Variants in CFLAR observed in about 807,000 individuals in gnomAD.
The protein encoded by CFLAR is CASP8 and FADD like apoptosis regulator, also known as CASP8 and FADD-like apoptosis regulator.
A neutral mutation model predicts 51.1 loss-of-function variants in CFLAR; 14 were observed. That is an observed-to-expected ratio of 0.27 (90% CI 0.18 to 0.43). The LOEUF (loss-of-function observed/expected upper bound fraction) is 0.43, where lower values mean the gene tolerates loss of function less well. Ranked by LOEUF, CFLAR falls within the 20% of genes least tolerant of loss-of-function variation. The probability of loss-of-function intolerance (pLI) is 1.00; values close to 1 mark genes in which losing one functional copy is unlikely to be tolerated. For missense variants in CFLAR, 390 were observed against 566.5 expected (o/e 0.69, Z 3.16); for synonymous variants, 210 against 211.6 (o/e 0.99, Z 0.06).
intron 4 of CFLAR, 161 bp from the exon 5 acceptor site, chr2:201,140,196 T>C: frequency 1.3e-6 from 1 of 772,840 alleles, no homozygotes; most frequent in Non-Finnish European, 2.0e-6. Flanking sequence ...CTTCATGATG[T>C]TTGGTCGAAG....
At chr2:201,130,187 G>GTGGGGGGGGGGGGGGGGGGGCA in intron 2 of CFLAR, 41 bp downstream of exon 2, 1 of 292,394 alleles carries the variant, frequency 3.4e-6, no homozygotes, top group Non-Finnish European at 7.1e-6. Context: ...GGGTGGGAGG[G>GTGGGGGGGGGGGGGGGGGGGCA]AGTGAAGTGT....
At position 201,145,378 on chromosome 2, in the gene CFLAR, C is replaced by A. The variant is rs13424615; in HGVS notation, c.607C>A (p.Leu203Ile). 6,254 of 1,597,212 alleles carry A rather than the reference C, an allele frequency of 3.9e-3. 223 individuals are homozygous for A. The African/African-American group carries it at 0.072, about 18-fold the overall frequency. ...SLKDPSNNFR[L>I]HNGRSKEQRL... ...ATGACCTTATTCTTTGTATTTGAAG[C>A]TCCATAATGGGAGAAGTAAAGAACA... The change falls in exon 6 of 10, where the codon CTC becomes ATC. Residue 203 changes from leucine (L) to isoleucine (I), a missense_variant and splice_region_variant. This residue lies in a region of CFLAR where 287 missense variants were observed against 363.6 expected (regional missense o/e 0.79). Transcript: ENST00000309955.
chr2:201,126,797 C>G (rs2048758245), intron 1 of CFLAR, among the ~76,000 whole-genome samples: 1 of 152,148 alleles, frequency 6.6e-6, no homozygotes, highest in Non-Finnish European at 1.5e-5. Flanking sequence ...CAAAAAATGC[C>G]TGGAATATTT....
At chr2:201,161,003 G>A in intron 9 of CFLAR, 61 bp downstream of exon 9, 1 of 1,206,870 alleles carries the variant, frequency 8.3e-7, no homozygotes, top group Non-Finnish European at 1.2e-6. Context: ...CACCAGGATG[G>A]GAATTACCAC....
At chr2:201,130,187 G>GGGGGGGGGGGGGGGA in intron 2 of CFLAR, 41 bp downstream of exon 2, 11 of 292,376 alleles carry the variant, frequency 3.8e-5, no homozygotes, top group East Asian at 2.8e-4. Context: ...GGGTGGGAGG[G>GGGGGGGGGGGGGGGA]AGTGAAGTGT....
chr2:201,133,119 G>A lies in CFLAR; in HGVS notation c.372G>A (p.Lys124=). ...TGAAGGATTACATGGGCCGAGGCAA[G>A]ATAAGCAAGGAGAAGGTGAGTTTTC... is the stretch of plus-strand genomic sequence containing the variant. ...FLMKDYMGRG[K]ISKEKSFLDL... Residue 124 remains lysine, a synonymous_variant, in exon 3 of 10, where the codon AAG becomes AAA. Coordinates refer to ENST00000309955, the MANE Select transcript of CFLAR (RefSeq NM_003879.7). 1 of 1,612,952 alleles carries A rather than the reference G, an allele frequency of 6.2e-7. No homozygotes were observed. The highest frequency in any genetic ancestry group is 8.5e-7 in the Non-Finnish European group (1 of 1,178,896).
chr2:201,117,750 C>CT (rs1174973596), intron 1 of CFLAR, among the ~76,000 whole-genome samples: 4,896 of 113,850 alleles, frequency 0.043, 257 homozygotes, highest in East Asian at 0.23. Flanking sequence ...GCTCCAAGAT[C>CT]TTTTTTTTTT....
Position 201,166,755 on chromosome 2 carries a change from A to C in CFLAR, c.*2782A>C, listed in dbSNP as rs1372151833. 2 of 162,788 alleles carry C rather than the reference A, an allele frequency of 1.2e-5. No individual in the cohort carries two copies. The highest frequency in any genetic ancestry group is 2.6e-5 in the Non-Finnish European group (2 of 75,802). The allele number at this position is 162,788 out of a possible 1,614,324, so 10.1% of individuals were successfully genotyped here. On this transcript the variant is annotated 3_prime_UTR_variant, in exon 10 of 10. Transcript: ENST00000309955. ...CGAGGCTGGCAGATCACTCGCAGTCAGGAGCTGGAGACCAGCCCGGCCAAC... is the reference window on the plus strand; with the variant it reads ...CGAGGCTGGCAGATCACTCGCAGTCCGGAGCTGGAGACCAGCCCGGCCAAC...
chr2:201,147,584 A>G (rs1211781561), intron 6 of CFLAR, among the ~76,000 whole-genome samples: 1 of 145,686 alleles, frequency 6.9e-6, no homozygotes, highest in Non-Finnish European at 1.5e-5. Flanking sequence ...AGTTTAAAAT[A>G]CTCGGCCAGG....
chr2:201,158,562 A>G (rs1942556636), intron 8 of CFLAR, among the ~76,000 whole-genome samples: 1 of 152,090 alleles, frequency 6.6e-6, no homozygotes, highest in African/African-American at 2.4e-5. Context: ...GAGACGTGTG[A>G]GTCCTTTGGA....
At chr2:201,163,371 G>A in intron 9 of CFLAR, 1 of 1,148,794 alleles carries the variant, frequency 8.7e-7, no homozygotes, top group Admixed American at 4.5e-5. Context: ...TTACAATTTA[G>A]AATGATGTTT....
rs1463505381 is a variant in CFLAR, at chr2:201,164,720, T to G, written c.*747T>G. ...CCGGGAACACTTTGCATCCTTCTAT[T>G]CAATCAAGTTGATACTCAGTATTAA... On this transcript the variant is annotated 3_prime_UTR_variant, in exon 10 of 10. Transcript: ENST00000309955. 1 of 152,182 alleles carries G rather than the reference T, an allele frequency of 6.6e-6. No homozygotes were observed. Among genetic ancestry groups the G allele is most frequent in the African/African-American group, 2.4e-5 (1 of 41,438 alleles). The allele number at this position is 152,182 out of a possible 1,614,324, so 9.4% of individuals were successfully genotyped here.
intron 3 of CFLAR, among the ~76,000 whole-genome samples, chr2:201,134,641 TAAAA>T (rs1246410261): frequency 2.9e-5 from 2 of 68,014 alleles, no homozygotes; most frequent in Non-Finnish European, 6.2e-5. Context: ...TCTCAAAAAT[TAAAA>T]TAAAATAAAA....
chr2:201,140,408 A>G lies in CFLAR; in HGVS notation c.575A>G (p.Lys192Arg). 6.2e-7 allele frequency: 1 copy of G among 1,610,578 alleles called. No individual in the cohort carries two copies. Among genetic ancestry groups the G allele is most frequent in the South Asian group, 1.1e-5 (1 of 90,270 alleles). ...AATGTTCTCCAAGCAGCAATCCAAA[A>G]GAGTCTCAAGGATCCTTCAAATAAC... Reference protein sequence around the residue: ...YRNVLQAAIQKSLKDPSNNFR... With the variant: ...YRNVLQAAIQRSLKDPSNNFR... The change falls in exon 5 of 10, where the codon AAG (lysine) becomes AGG (arginine). Residue 192 changes from lysine to arginine, a missense_variant. Physicochemically the swap from Lys to Arg is conservative, Grantham distance 26. This residue lies in a region of CFLAR where 287 missense variants were observed against 363.6 expected (regional missense o/e 0.79). Transcript: ENST00000309955.
rs1003202010 is a variant in CFLAR at position 201,146,279 on chromosome 2, T to G, written c.661+847T>G. ...CTTATGCCTCAGCCTCCTGAGTAGCTGGGATTACAGGCTTGTGCCACCACA... is the reference window on the plus strand; with the variant it reads ...CTTATGCCTCAGCCTCCTGAGTAGCGGGGATTACAGGCTTGTGCCACCACA... On this transcript the variant is annotated intron_variant, in intron 6 of 9. Coordinates refer to ENST00000309955, the MANE Select transcript of CFLAR (RefSeq NM_003879.7). 2 of 152,258 alleles carry G rather than the reference T, an allele frequency of 1.3e-5. 1 individual carries two copies. Among genetic ancestry groups the G allele is most frequent in the South Asian group, 4.1e-4 (2 of 4,832 alleles). The allele number at this position is 152,258 out of a possible 1,614,324, so 9.4% of individuals were successfully genotyped here.
rs544236762 is a variant in CFLAR, at chr2:201,166,655, A to G, written c.*2682A>G. 7.8e-4 allele frequency: 137 copies of G among 176,506 alleles called. No individual in the cohort carries two copies. The highest frequency in any genetic ancestry group is 9.5e-5 in the Non-Finnish European group (8 of 84,552). The allele number at this position is 176,506 out of a possible 1,614,324, so 10.9% of individuals were successfully genotyped here. ...GGCCGTAGCCAGCTGAGATCACACC[A>G]CTGCACTCCAGCCTGGGCAACATTG... On this transcript the variant is annotated 3_prime_UTR_variant, in exon 10 of 10. Coordinates refer to ENST00000309955, the MANE Select transcript of CFLAR (RefSeq NM_003879.7).
intron 2 of CFLAR, 58 bp from the exon 3 acceptor site, chr2:201,132,971 T>C (rs1575660180): frequency 6.4e-7 from 1 of 1,571,728 alleles, no homozygotes; most frequent in South Asian, 1.1e-5. Flanking sequence ...GCGTGGGCAC[T>C]TGGAGTTGTC....
chr2:201,166,168 G>A lies in CFLAR; in HGVS notation c.*2195G>A, dbSNP rs1575996321. On this transcript the variant is annotated 3_prime_UTR_variant, in exon 10 of 10. Coordinates refer to ENST00000309955, the MANE Select transcript of CFLAR (RefSeq NM_003879.7). ...CCAGATGGGGCGGCCAGGCGGACGC[G>A]CCCCCCACCTCCCTCCCGGACGGGA... 1.8e-5 allele frequency: 3 copies of A among 163,548 alleles called. No homozygotes were observed. Among genetic ancestry groups the A allele is most frequent in the African/African-American group, 2.4e-5 (1 of 41,500 alleles). The allele number at this position is 163,548 out of a possible 1,614,324, so 10.1% of individuals were successfully genotyped here. A position where few individuals can be genotyped will look rare whatever the true frequency, so the allele number is the denominator to read the frequency against.
chr2:201,154,913 A>C (rs754789935), intron 8 of CFLAR, among the ~76,000 whole-genome samples: 1 of 152,254 alleles, frequency 6.6e-6, no homozygotes, highest in Non-Finnish European at 1.5e-5. Flanking sequence ...TTGTGCATGA[A>C]ATAAGGTTAT....
Sources: gnomAD v4.1 joint callset for allele counts (sites outside exome capture counted in the v4.1 genomes callset) on GRCh38, gnomAD v4.1.1 for gene constraint, gnomAD v4.1.1 regional missense constraint, MANE v1.5 for transcripts, NCBI Gene and HGNC (gene_info 2026-07-23, HGNC 2026-07-21) for gene names.